The following SOX5 variants were observed in gnomAD, a reference collection of about 807,000 sequenced individuals.
The protein encoded by SOX5 is transcription factor SOX-5.
A neutral mutation model predicts 92.0 loss-of-function variants in SOX5; 9 were observed. That is an observed-to-expected ratio of 0.10 (90% CI 0.06 to 0.17). The LOEUF (loss-of-function observed/expected upper bound fraction) is 0.17. Ranked by LOEUF, SOX5 falls within the 10% of genes least tolerant of loss-of-function variation. The pLI is 1.00. For missense variants in SOX5, 642 were observed against 944.5 expected (o/e 0.68, Z 4.20); for synonymous variants, 344 against 336.3 (o/e 1.02, Z -0.25).
intron 11 of SOX5, among the ~76,000 whole-genome samples, chr12:23,560,768 C>A (rs1383063550): frequency 6.6e-6 from 1 of 152,216 alleles, no homozygotes; most frequent in Non-Finnish European, 1.5e-5. Context: ...TGTACACAGA[C>A]ATAGATTGAT....
intron 4 of SOX5, among the ~76,000 whole-genome samples, chr12:24,082,868 A>G (rs931739602): frequency 5.9e-5 from 9 of 151,902 alleles, no homozygotes. Context: ...TAAACCACTA[A>G]TTATTAGAAG....
intron 5 of SOX5, among the ~76,000 whole-genome samples, chr12:23,739,384 C>T (rs987587346): frequency 3.9e-5 from 6 of 152,048 alleles, no homozygotes; most frequent in Non-Finnish European, 7.4e-5. Flanking sequence ...TGTCTGATTT[C>T]GGCTACTAAA....
At chr12:23,708,963 A>T (rs1337313157) in intron 6 of SOX5, among the ~76,000 whole-genome samples, 1 of 152,156 alleles carries the variant, frequency 6.6e-6, no homozygotes, top group East Asian at 1.9e-4. Flanking sequence ...AACATACAAG[A>T]TCATCATGAA....
intron 10 of SOX5, among the ~76,000 whole-genome samples, chr12:23,573,920 G>GA (rs1948745043): frequency 1.3e-5 from 2 of 151,824 alleles, no homozygotes; most frequent in South Asian, 4.2e-4. Context: ...AATAATAAAT[G>GA]AGACAGTAAA....
chr12:23,603,925 AT>A (rs1185456353), intron 9 of SOX5: 2 of 158,284 alleles, frequency 1.3e-5, no homozygotes, highest in African/African-American at 4.8e-5. Flanking sequence ...TTCTACTTGT[AT>A]TTTAAGGTCT....
At chr12:23,800,045 T>C (rs111586097) in intron 3 of SOX5, among the ~76,000 whole-genome samples, 1,643 of 152,148 alleles carry the variant, frequency 0.011, 11 homozygotes, top group Non-Finnish European at 0.018. Context: ...GGAATATTCT[T>C]AGAGTGATAT....
chr12:24,366,798 T>C (rs1297691558), intron 2 of SOX5, among the ~76,000 whole-genome samples: 1 of 152,098 alleles, frequency 6.6e-6, no homozygotes, highest in Non-Finnish European at 1.5e-5. Context: ...CAAAATCACA[T>C]GCCGTATGAT....
intron 3 of SOX5, among the ~76,000 whole-genome samples, chr12:23,810,906 CT>C (rs961929904): frequency 2.0e-5 from 3 of 152,046 alleles, no homozygotes; most frequent in African/African-American, 2.4e-5. Flanking sequence ...AGAAGAGCTG[CT>C]TTTTTTTCCC....
chr12:24,351,649 G>A (rs1258514983), intron 2 of SOX5, among the ~76,000 whole-genome samples: 3 of 152,150 alleles, frequency 2.0e-5, no homozygotes, highest in East Asian at 1.9e-4. Flanking sequence ...CCCAGTTCAC[G>A]GCAGCCTAAG....
chr12:23,770,968 T>C (rs2094913631), intron 3 of SOX5, among the ~76,000 whole-genome samples: 1 of 152,086 alleles, frequency 6.6e-6, no homozygotes, highest in Non-Finnish European at 1.5e-5. Context: ...GTGGAGATAT[T>C]CAATAAAAAC....
chr12:23,704,690 A>ATATATATATATT (rs1314119964), intron 6 of SOX5, among the ~76,000 whole-genome samples: 1 of 77,156 alleles, frequency 1.3e-5, no homozygotes, highest in East Asian at 3.0e-4. Context: ...ATGCATGCAT[A>ATATATATATATT]TATATATATA....
chr12:23,701,027 A>T (rs2090563699), intron 6 of SOX5, among the ~76,000 whole-genome samples: 1 of 151,992 alleles, frequency 6.6e-6, no homozygotes, highest in Non-Finnish European at 1.5e-5. Flanking sequence ...AAGCTTACAA[A>T]TTAAAATTTA....
chr12:24,093,848 T>C (rs1489428462), intron 4 of SOX5, among the ~76,000 whole-genome samples: 1 of 152,212 alleles, frequency 6.6e-6, no homozygotes, highest in Non-Finnish European at 1.5e-5. Flanking sequence ...GCCACTAAAA[T>C]TGTAGAATTC....
At chr12:23,936,867 T>A (rs1320001665) in intron 1 of SOX5, among the ~76,000 whole-genome samples, 1 of 151,022 alleles carries the variant, frequency 6.6e-6, no homozygotes, top group East Asian at 1.9e-4. Context: ...TGAACCTATG[T>A]CTTGGAAAGC....
At chr12:24,056,521 C>T (rs1323562050) in intron 4 of SOX5, among the ~76,000 whole-genome samples, 1 of 152,108 alleles carries the variant, frequency 6.6e-6, no homozygotes, top group Non-Finnish European at 1.5e-5. Context: ...CTCCATCATG[C>T]CACCTCCTTA....
chr12:24,410,016 T>G (rs201152916), intron 1 of SOX5, among the ~76,000 whole-genome samples: 3 of 145,140 alleles, frequency 2.1e-5, no homozygotes, highest in Non-Finnish European at 4.6e-5. Context: ...TTTTTTTTTT[T>G]AAACAGGGTC....
At chr12:24,442,140 G>A (rs1239204859) in intron 1 of SOX5, among the ~76,000 whole-genome samples, 1 of 152,204 alleles carries the variant, frequency 6.6e-6, no homozygotes, top group African/African-American at 2.4e-5. Context: ...GTATCTATGA[G>A]AAACAATGTG....
chr12:24,137,668 A>T (rs970266853), intron 4 of SOX5, among the ~76,000 whole-genome samples: 6 of 151,860 alleles, frequency 4.0e-5, no homozygotes, highest in Admixed American at 3.3e-4. Flanking sequence ...AAACAAAAAA[A>T]CTCTGTTGTA....
At chr12:23,994,253 A>C (rs1592152064) in intron 4 of SOX5, among the ~76,000 whole-genome samples, 1 of 152,294 alleles carries the variant, frequency 6.6e-6, no homozygotes, top group Admixed American at 6.5e-5. Flanking sequence ...ATAGTAAAGG[A>C]AAGAAATAGA....
Sources: allele counts gnomAD v4.1 joint callset (sites outside exome capture counted in the v4.1 genomes callset), GRCh38; gene constraint gnomAD v4.1.1; transcripts MANE v1.5; gene names NCBI Gene and HGNC (gene_info 2026-07-23, HGNC 2026-07-21).